The following ZNF723 variants were observed in gnomAD, a reference collection of about 807,000 sequenced individuals.
ZNF723 encodes the protein zinc finger protein 723, also known as zinc finger protein 723, pseudogene.
In ZNF723, 5 loss-of-function variants were observed where a neutral mutation model predicts 9.4. The ratio of observed to expected loss-of-function variants is 0.53; its 90% confidence interval spans 0.28 to 1.12. The LOEUF (loss-of-function observed/expected upper bound fraction) is 1.12, where lower values mean the gene tolerates loss of function less well. ZNF723 is among the 50% of genes most tolerant of loss of function. The pLI is 0.10. For missense variants in ZNF723, 450 were observed against 501.5 expected (o/e 0.90, Z 0.98); for synonymous variants, 158 against 168.8 (o/e 0.94, Z 0.49).
At chr19:22,854,094 CTA>C (rs1346746533) in intron 3 of ZNF723, among the ~76,000 whole-genome samples, 1 of 114,566 alleles carries the variant, frequency 8.7e-6, no homozygotes, top group Non-Finnish European at 1.9e-5. Flanking sequence ...ATATTGCTCT[CTA>C]TGTGTTTCTT....
At chr19:22,824,881 A>G in the ZNF723 span, among the ~76,000 whole-genome samples, 1 of 152,222 alleles carries the variant, frequency 6.6e-6, no homozygotes, top group Non-Finnish European at 1.5e-5. Flanking sequence ...GCAGCAAATT[A>G]GAGAGAGGTT....
chr19:22,820,393 G>C, the ZNF723 span, among the ~76,000 whole-genome samples: 1 of 152,174 alleles, frequency 6.6e-6, no homozygotes, highest in South Asian at 2.1e-4. Context: ...TTTCATTAGA[G>C]GATATTCACA....
At position 22,857,524 on chromosome 19, in the gene ZNF723, T is replaced by C. The variant is rs377412799; in HGVS notation, c.633T>C (p.Ser211=). ...YKCEECGKAF[S]VPSKLNNHKR... ...GTGAAGAATGTGGCAAAGCCTTTAGTGTGCCCTCAAAGCTTAATAATCATA... is the reference window on the plus strand; with the variant it reads ...GTGAAGAATGTGGCAAAGCCTTTAGCGTGCCCTCAAAGCTTAATAATCATA... The change falls in exon 4 of 4, where the codon AGT becomes AGC. Residue 211 remains serine, a synonymous_variant. Transcript: ENST00000600766. 4.1e-6 allele frequency: 5 copies of C among 1,220,496 alleles called. No homozygotes were observed. In the African/African-American group the frequency reaches 6.0e-5, roughly 15 times the overall value. The allele number at this position is 1,220,496 out of a possible 1,614,324, so 75.6% of individuals were successfully genotyped here.
At chr19:22,849,368 T>C (rs1967362199) in intron 3 of ZNF723, 75 bp downstream of exon 3, 1 of 482,814 alleles carries the variant, frequency 2.1e-6, no homozygotes. Flanking sequence ...GTCCTTAAAA[T>C]AGATTTTGGG....
At chr19:22,855,697 G>C (rs948971688) in intron 3 of ZNF723, among the ~76,000 whole-genome samples, 9 of 152,078 alleles carry the variant, frequency 5.9e-5, no homozygotes, top group Non-Finnish European at 1.3e-4. Context: ...TCACTTGATA[G>C]GTATTTTTCC....
At chr19:22,822,118 A>T in the ZNF723 span, among the ~76,000 whole-genome samples, 53 of 152,332 alleles carry the variant, frequency 3.5e-4, no homozygotes, top group African/African-American at 1.3e-3. Flanking sequence ...CTCAAAAAAA[A>T]TTATGCATAC....
At chr19:22,847,035 AT>A (rs142337015) in intron 1 of ZNF723, among the ~76,000 whole-genome samples, 20,574 of 137,192 alleles carry the variant, frequency 0.15, 1,451 homozygotes, top group Middle Eastern at 0.18. Flanking sequence ...TCTCTGACAG[AT>A]TTTTTTTTTT....
intron 1 of ZNF723, among the ~76,000 whole-genome samples, chr19:22,842,287 A>G (rs993455398): frequency 6.6e-6 from 1 of 152,176 alleles, no homozygotes; most frequent in Non-Finnish European, 1.5e-5. Context: ...AATTACAGGC[A>G]TGAGCCACTG....
At chr19:22,846,524 G>A (rs557860025) in intron 1 of ZNF723, among the ~76,000 whole-genome samples, 1 of 152,244 alleles carries the variant, frequency 6.6e-6, no homozygotes, top group African/African-American at 2.4e-5. Flanking sequence ...TTGATAGGCC[G>A]AGGCAGGAGA....
chr19:22,825,368 A>G, the ZNF723 span, among the ~76,000 whole-genome samples: 20 of 152,190 alleles, frequency 1.3e-4, no homozygotes, highest in South Asian at 1.2e-3. Context: ...TAAAGCTGAG[A>G]CATGTGCAGA....
rs1343264475 is a variant in ZNF723, at chr19:22,849,326, G to C, written c.226+33G>C. 4 of 523,110 alleles carry C rather than the reference G, an allele frequency of 7.6e-6. No homozygotes were observed. The East Asian group carries it at 1.2e-4, about 16-fold the overall frequency. The allele number at this position is 523,110 out of a possible 1,614,324, so 32.4% of individuals were successfully genotyped here. On this transcript the variant is annotated intron_variant, in intron 3 of 3. Coordinates refer to ENST00000600766, the MANE Select transcript of ZNF723 (RefSeq NM_001349726.2). ...GAGAGTGAACACAATGGACAACACA[G>C]ATAAGACGTCCAAAGGTCAAGGAGA...
the ZNF723 span, among the ~76,000 whole-genome samples, chr19:22,816,512 C>A: frequency 3.2e-3 from 490 of 152,276 alleles, 4 homozygotes; most frequent in African/African-American, 0.011. Flanking sequence ...CAGGAGGTGG[C>A]GCCTCTTATA....
At chr19:22,832,033 A>G (rs73924705), upstream of ZNF723, among the ~76,000 whole-genome samples, 1,330 of 152,402 alleles carry the variant, frequency 8.7e-3, 21 homozygotes, top group African/African-American at 0.031. Context: ...GTGAATAGCC[A>G]TATTCAAACA....
At chr19:22,817,313 A>G in the ZNF723 span, among the ~76,000 whole-genome samples, 2 of 152,188 alleles carry the variant, frequency 1.3e-5, no homozygotes, top group Non-Finnish European at 2.9e-5. Context: ...TATTTTGGGT[A>G]TTGTGACATA....
intron 1 of ZNF723, among the ~76,000 whole-genome samples, chr19:22,843,153 A>G (rs1202682278): frequency 1.3e-5 from 2 of 152,218 alleles, no homozygotes; most frequent in African/African-American, 4.8e-5. Context: ...TAATCAGGAC[A>G]GGTGATCCAG....
At chr19:22,833,122 C>T (rs1967118459) in intron 1 of ZNF723, among the ~76,000 whole-genome samples, 1 of 151,798 alleles carries the variant, frequency 6.6e-6, no homozygotes, top group Non-Finnish European at 1.5e-5. Context: ...AGATTTCCAC[C>T]TCAGCCTAAT....
At chr19:22,822,712 A>T in the ZNF723 span, among the ~76,000 whole-genome samples, 1,138 of 152,222 alleles carry the variant, frequency 7.5e-3, 10 homozygotes, top group African/African-American at 0.026. Flanking sequence ...AATACAAAAA[A>T]TTAGCTGGGT....
the ZNF723 span, among the ~76,000 whole-genome samples, chr19:22,819,020 C>T: frequency 1.3e-5 from 2 of 152,166 alleles, no homozygotes; most frequent in African/African-American, 4.8e-5. Context: ...GGGATTTTGA[C>T]TAATTCTTAG....
chr19:22,846,584 C>G (rs1303258778), intron 1 of ZNF723, among the ~76,000 whole-genome samples: 1 of 152,246 alleles, frequency 6.6e-6, no homozygotes, highest in Non-Finnish European at 1.5e-5. Flanking sequence ...GATTGCGCCA[C>G]TGCCCTCCAG....
Sources: gnomAD v4.1 joint callset for allele counts (sites outside exome capture counted in the v4.1 genomes callset) on GRCh38, gnomAD v4.1.1 for gene constraint, MANE v1.5 for transcripts, NCBI Gene and HGNC (gene_info 2026-07-23, HGNC 2026-07-21) for gene names.